CD1B: variants seen among roughly 807,000 people sequenced by gnomAD.
CD1B encodes CD1b molecule.
In CD1B, 43 loss-of-function variants were observed where a neutral mutation model predicts 39.8. The ratio of observed to expected loss-of-function variants is 1.08; its 90% CI spans 0.85 to 1.39. The LOEUF (loss-of-function observed/expected upper bound fraction) is 1.39. Ranked by LOEUF, CD1B falls within the 40% of genes most tolerant of loss-of-function variation. The pLI is 0.00. For missense variants in CD1B, 495 were observed against 403.8 expected (o/e 1.23, Z -1.94); for synonymous variants, 192 against 152.5 (o/e 1.26, Z -1.91).
chr1:158,319,072 C>G, the CD1B span, among the ~76,000 whole-genome samples: 2 of 151,538 alleles, frequency 1.3e-5, no homozygotes, highest in African/African-American at 2.4e-5. Context: ...GGTAACCCGA[C>G]CTTTCTCTCT....
At chr1:158,324,505 T>C, downstream of CD1B, among the ~76,000 whole-genome samples, 1 of 152,314 alleles carries the variant, frequency 6.6e-6, no homozygotes, top group East Asian at 1.9e-4. Flanking sequence ...GAATACATAA[T>C]TACATTGATT....
chr1:158,326,482 T>C (rs2101708417), downstream of CD1B, among the ~76,000 whole-genome samples: 2 of 152,284 alleles, frequency 1.3e-5, no homozygotes, highest in South Asian at 2.1e-4. Flanking sequence ...AATGCATGAA[T>C]CTTATTTTTA....
chr1:158,304,840 C>A, the CD1B span, among the ~76,000 whole-genome samples: 1 of 152,152 alleles, frequency 6.6e-6, no homozygotes, highest in Non-Finnish European at 1.5e-5. Flanking sequence ...CTGGAGTAGA[C>A]CTCCAGCAAA....
the CD1B span, among the ~76,000 whole-genome samples, chr1:158,302,646 T>A: frequency 6.6e-6 from 1 of 152,148 alleles, no homozygotes; most frequent in South Asian, 2.1e-4. Context: ...ACTCAGATAC[T>A]GTTATGAACA....
At chr1:158,313,028 A>G in the CD1B span, among the ~76,000 whole-genome samples, 2 of 152,080 alleles carry the variant, frequency 1.3e-5, no homozygotes, top group Non-Finnish European at 2.9e-5. Context: ...TTCCTTATAT[A>G]CCTAATTTAT....
At chr1:158,292,347 A>G in the CD1B span, 2 of 1,613,916 alleles carry the variant, frequency 1.2e-6, no homozygotes, top group Admixed American at 3.3e-5. Flanking sequence ...TGCAGGGAAG[A>G]TGTATGTACA....
chr1:158,316,013 C>T, the CD1B span, among the ~76,000 whole-genome samples: 5 of 151,918 alleles, frequency 3.3e-5, no homozygotes, highest in Non-Finnish European at 5.9e-5. Flanking sequence ...TTCCATTGAT[C>T]TATATCTCTG....
downstream of CD1B, among the ~76,000 whole-genome samples, chr1:158,325,746 A>G (rs1201638493): frequency 6.6e-6 from 1 of 152,150 alleles, no homozygotes; most frequent in Admixed American, 6.5e-5. Context: ...ATACACATAT[A>G]TAAGATTTAC....
At chr1:158,317,059 G>A in the CD1B span, among the ~76,000 whole-genome samples, 116 of 151,716 alleles carry the variant, frequency 7.6e-4, no homozygotes, top group African/African-American at 2.7e-3. Flanking sequence ...ATTTGGTTTG[G>A]CAGTATTTTA....
At chr1:158,307,073 C>T in the CD1B span, among the ~76,000 whole-genome samples, 1 of 152,114 alleles carries the variant, frequency 6.6e-6, no homozygotes, top group Non-Finnish European at 1.5e-5. Flanking sequence ...CAAGAAATAA[C>T]TAAGATCAGA....
chr1:158,326,815 G>C (rs1376889224), downstream of CD1B, among the ~76,000 whole-genome samples: 1 of 144,472 alleles, frequency 6.9e-6, no homozygotes, highest in African/African-American at 2.9e-5. Context: ...ATTATTTTTG[G>C]AGACAGGGTC....
chr1:158,304,366 A>G, the CD1B span, among the ~76,000 whole-genome samples: 9 of 152,286 alleles, frequency 5.9e-5, no homozygotes, highest in Admixed American at 1.3e-4. Context: ...CTGAGATCAA[A>G]CTGCAAGGCA....
At chr1:158,329,345 A>G in intron 4 of CD1B, 25 bp downstream of exon 4, 1 of 1,598,500 alleles carries the variant, frequency 6.3e-7, no homozygotes. Context: ...TGGCATTTCC[A>G]GCCTGGGTCC....
At chr1:158,330,305 A>T (rs1023469857) in intron 2 of CD1B, among the ~76,000 whole-genome samples, 175 bp from the exon 3 acceptor site, 7 of 152,194 alleles carry the variant, frequency 4.6e-5, no homozygotes, top group Non-Finnish European at 8.8e-5. Flanking sequence ...CATTGAGAAA[A>T]ATGTGCATGC....
the CD1B span, among the ~76,000 whole-genome samples, chr1:158,291,599 G>T: frequency 6.6e-6 from 1 of 151,478 alleles, no homozygotes; most frequent in Non-Finnish European, 1.5e-5. Flanking sequence ...TTTTTTTCTT[G>T]TGCTTTGTTA....
the CD1B span, among the ~76,000 whole-genome samples, chr1:158,286,590 C>T: frequency 5.3e-5 from 8 of 152,274 alleles, no homozygotes; most frequent in African/African-American, 1.4e-4. Context: ...TGTGACACAC[C>T]GGCAGGGACT....
At chr1:158,303,935 C>T in the CD1B span, among the ~76,000 whole-genome samples, 3 of 152,046 alleles carry the variant, frequency 2.0e-5, no homozygotes, top group Non-Finnish European at 2.9e-5. Flanking sequence ...AAAATTCATA[C>T]AGAATCAAAA....
At chr1:158,295,637 A>T in the CD1B span, among the ~76,000 whole-genome samples, 5 of 152,188 alleles carry the variant, frequency 3.3e-5, no homozygotes, top group African/African-American at 1.2e-4. Flanking sequence ...ACCTGGACAG[A>T]ATAGGGCTAC....
intron 2 of CD1B, 46 bp downstream of exon 2, chr1:158,330,750 A>G: frequency 6.3e-7 from 1 of 1,595,078 alleles, no homozygotes; most frequent in East Asian, 2.2e-5. Flanking sequence ...AAAAGAGAGA[A>G]AAGAGAGTCC....
Sources: gnomAD v4.1 joint callset for allele counts (sites outside exome capture counted in the v4.1 genomes callset) on GRCh38, gnomAD v4.1.1 for gene constraint, MANE v1.5 for transcripts, NCBI Gene and HGNC (gene_info 2026-07-23, HGNC 2026-07-21) for gene names.